REEP1: variants seen among roughly 807,000 people sequenced by gnomAD.
The protein encoded by REEP1 is receptor accessory protein 1.
Under a neutral mutation model 40.3 loss-of-function variants are expected in REEP1, and 22 were observed. That is an observed-to-expected ratio of 0.55 (90% CI 0.39 to 0.78). The LOEUF is 0.78. Ranked by LOEUF, REEP1 falls within the 30% of genes least tolerant of loss-of-function variation. REEP1 has a pLI of 0.00. For synonymous variants in REEP1, 116 were observed against 139.2 expected (o/e 0.83, Z 1.17); for missense variants, 280 against 361.1 (o/e 0.78, Z 1.82).
intron 1 of REEP1, among the ~76,000 whole-genome samples, chr2:86,288,843 T>C (rs1426230181): frequency 2.0e-5 from 3 of 152,226 alleles, no homozygotes; most frequent in African/African-American, 7.2e-5. Flanking sequence ...TTGTTTCAAT[T>C]TGCATTTCCT....
intron 7 of REEP1, among the ~76,000 whole-genome samples, chr2:86,226,092 A>ACCACCACCACCC (rs1674671516): frequency 7.5e-6 from 1 of 133,568 alleles, no homozygotes; most frequent in East Asian, 2.3e-4. Context: ...CACCACCACC[A>ACCACCACCACCC]CCACCACCAC....
rs529105397 is a variant in REEP1 at position 86,259,990 on chromosome 2, C to G, written c.182+3975G>C. On this transcript the variant is annotated intron_variant, in intron 3 of 8. Coordinates refer to ENST00000538924, the MANE Select transcript of REEP1 (RefSeq NM_001371279.1). The stretch of plus-strand genomic sequence containing the variant: ...CATATTTTAGGACAGAAACTCTCCC[C>G]CTAACCTTTTTGAATAGTAAAGAAT... 2.0e-5 allele frequency among the ~76,000 whole-genome samples: 3 copies of G among 152,294 alleles called. No individual in the cohort carries two copies. In the South Asian group the frequency reaches 6.2e-4, roughly 32 times the overall value.
At chr2:86,304,483 G>C (rs1349300567) in intron 1 of REEP1, among the ~76,000 whole-genome samples, 1 of 152,092 alleles carries the variant, frequency 6.6e-6, no homozygotes, top group African/African-American at 2.4e-5. Context: ...AAAGAAAAAA[G>C]CAATGCTTCA....
At chr2:86,303,204 G>A (rs936937813) in intron 1 of REEP1, among the ~76,000 whole-genome samples, 1 of 141,464 alleles carries the variant, frequency 7.1e-6, no homozygotes, top group African/African-American at 2.6e-5. Context: ...CACGATGCCC[G>A]GCTAATTGTT....
At position 86,283,680 on chromosome 2, in the gene REEP1, G is replaced by A. The variant is rs149571378; in HGVS notation, c.33-1438C>T. On this transcript the variant is annotated intron_variant, in intron 1 of 8. Transcript: ENST00000538924. ...CCGTTTCTGGCACTGAAAGGGAGAG[G>A]GCTGTTAACTCTTGACTCACACATA... Among the ~76,000 whole-genome samples the A allele has an allele frequency of 2.2e-4, 33 of 152,300 alleles. 1 individual carries two copies. In the East Asian group the frequency reaches 5.8e-3, roughly 27 times the overall value.
intron 1 of REEP1, among the ~76,000 whole-genome samples, chr2:86,332,301 C>G (rs947681242): frequency 3.9e-5 from 6 of 152,050 alleles, no homozygotes; most frequent in African/African-American, 1.2e-4. Flanking sequence ...AAAAACTCCC[C>G]CAGACTAAGA....
At chr2:86,299,432 C>G (rs970538350) in intron 1 of REEP1, among the ~76,000 whole-genome samples, 1 of 152,218 alleles carries the variant, frequency 6.6e-6, no homozygotes, top group Non-Finnish European at 1.5e-5. Flanking sequence ...CAGAGCAAAA[C>G]AGCCCCTGCT....
chr2:86,330,606 G>A (rs1380312564), intron 1 of REEP1, among the ~76,000 whole-genome samples: 2 of 106,144 alleles, frequency 1.9e-5, no homozygotes, highest in Non-Finnish European at 3.6e-5. Flanking sequence ...ACCATGCCCA[G>A]CTAATTTTTG....
chr2:86,246,617 C>T (rs718292), intron 5 of REEP1, among the ~76,000 whole-genome samples: 55,599 of 151,954 alleles, frequency 0.37, 12,111 homozygotes, highest in East Asian at 0.59. Flanking sequence ...AGTAAGGTAG[C>T]CTGGAGACCC....
chr2:86,237,981 A>G (rs1296083958), intron 5 of REEP1, among the ~76,000 whole-genome samples: 2 of 152,036 alleles, frequency 1.3e-5, no homozygotes, highest in Non-Finnish European at 1.5e-5. Context: ...CGGGAGTTTG[A>G]GACCAGCCTG....
At chr2:86,314,368 A>G (rs2367232) in intron 1 of REEP1, among the ~76,000 whole-genome samples, 55,138 of 152,040 alleles carry the variant, frequency 0.36, 11,922 homozygotes, top group East Asian at 0.58. Flanking sequence ...GCTGAGCCTC[A>G]GTCTCACCCT....
chr2:86,297,155 C>T lies in REEP1; in HGVS notation c.33-14913G>A, dbSNP rs369081339. 3.3e-5 allele frequency among the ~76,000 whole-genome samples: 5 copies of T among 152,218 alleles called. No individual in the cohort carries two copies. In the East Asian group the frequency reaches 5.8e-4, roughly 18 times the overall value. ...ACTCAACATCCAGAGGCTTCCCCTG[C>T]CCAGAGAGCTGGCCAGCACTTGTGA... On this transcript the variant is annotated intron_variant, in intron 1 of 8. Coordinates refer to ENST00000538924, the MANE Select transcript of REEP1 (RefSeq NM_001371279.1).
intron 1 of REEP1, among the ~76,000 whole-genome samples, chr2:86,333,960 T>C (rs1680888125): frequency 1.3e-5 from 2 of 152,186 alleles, no homozygotes; most frequent in South Asian, 4.1e-4. Context: ...CTAAGAGCCT[T>C]GCCCGTGGGC....
At chr2:86,263,235 G>C (rs978671362) in intron 3 of REEP1, among the ~76,000 whole-genome samples, 1 of 152,118 alleles carries the variant, frequency 6.6e-6, no homozygotes, top group African/African-American at 2.4e-5. Flanking sequence ...TTGTTTGTTT[G>C]TTTGTTTGTT....
chr2:86,282,573 A>AC (rs141021503), intron 1 of REEP1, among the ~76,000 whole-genome samples: 1 of 151,460 alleles, frequency 6.6e-6, no homozygotes, highest in Non-Finnish European at 1.5e-5. Flanking sequence ...CCTGCTGCTA[A>AC]CCCCCCTCTG....
At chr2:86,229,616 T>C (rs1674902254) in intron 6 of REEP1, among the ~76,000 whole-genome samples, 1 of 82,514 alleles carries the variant, frequency 1.2e-5, no homozygotes, top group South Asian at 3.6e-4. Flanking sequence ...TTTTTTTTTT[T>C]TTTTTTTTTA....
At chr2:86,237,761 G>A (rs1675440539) in intron 5 of REEP1, among the ~76,000 whole-genome samples, 1 of 152,096 alleles carries the variant, frequency 6.6e-6, no homozygotes, top group South Asian at 2.1e-4. Flanking sequence ...GACCTCAGGT[G>A]ATCCACCCAC....
intron 1 of REEP1, among the ~76,000 whole-genome samples, chr2:86,333,264 T>A (rs1680858826): frequency 6.6e-6 from 1 of 152,188 alleles, no homozygotes; most frequent in Non-Finnish European, 1.5e-5. Context: ...TTGGGGAACA[T>A]CTTGAGGACA....
At chr2:86,291,645 T>TA (rs201628521) in intron 1 of REEP1, among the ~76,000 whole-genome samples, 297 of 151,574 alleles carry the variant, frequency 2.0e-3, no homozygotes, top group African/African-American at 6.8e-3. Flanking sequence ...AGTTTACAAA[T>TA]AAAAAAAACT....
Sources: gnomAD v4.1 joint callset for allele counts (sites outside exome capture counted in the v4.1 genomes callset) on GRCh38, gnomAD v4.1.1 for gene constraint, MANE v1.5 for transcripts, NCBI Gene and HGNC (gene_info 2026-07-23, HGNC 2026-07-21) for gene names.